Variants in RIT2 observed in about 807,000 individuals in gnomAD.
RIT2 encodes the protein Ras like without CAAX 2.
RIT2 carries 24 observed loss-of-function variants against 23.7 expected under a neutral mutation model. The ratio of observed to expected loss-of-function variants is 1.01; its 90% CI spans 0.73 to 1.43. The LOEUF (loss-of-function observed/expected upper bound fraction) is 1.43, where lower values mean the gene tolerates loss of function less well. Among genes scored for constraint, RIT2 ranks in the 40% most tolerant of loss-of-function variants. The probability of loss-of-function intolerance (pLI) is 0.00; values close to 1 mark genes in which losing one functional copy is unlikely to be tolerated. For missense variants in RIT2, 236 were observed against 266.9 expected, an observed-to-expected ratio of 0.88 and a Z score of 0.81; for synonymous variants, 107 against 91.1, an observed-to-expected ratio of 1.17 and a Z score of -0.99.
intron 3 of RIT2, among the ~76,000 whole-genome samples, chr18:42,947,066 A>G (rs530511238): frequency 1.3e-5 from 2 of 152,118 alleles, no homozygotes; most frequent in African/African-American, 2.4e-5. Flanking sequence ...ATATGTGGAT[A>G]CACTATAGAA....
intron 4 of RIT2, among the ~76,000 whole-genome samples, chr18:42,822,300 G>A (rs1241113528): frequency 6.6e-6 from 1 of 151,886 alleles, no homozygotes; most frequent in Non-Finnish European, 1.5e-5. Context: ...TTTATAAATG[G>A]CCCTAATTAT....
At chr18:42,746,546 T>C (rs941695230) in intron 4 of RIT2, among the ~76,000 whole-genome samples, 2 of 152,110 alleles carry the variant, frequency 1.3e-5, no homozygotes, top group African/African-American at 4.8e-5. Context: ...GAAGACATTA[T>C]ACTAATTAAT....
chr18:42,993,380 C>T (rs1231766631), intron 2 of RIT2, among the ~76,000 whole-genome samples: 1 of 152,182 alleles, frequency 6.6e-6, no homozygotes, highest in East Asian at 1.9e-4. Flanking sequence ...CGGAAGCCCC[C>T]TAAACCATCA....
intron 4 of RIT2, among the ~76,000 whole-genome samples, chr18:42,791,463 C>T (rs534353491): frequency 6.6e-6 from 1 of 152,238 alleles, no homozygotes; most frequent in East Asian, 1.9e-4. Flanking sequence ...CATAATAAAA[C>T]TTTTGCAAGT....
At position 43,074,909 on chromosome 18, in the gene RIT2, G is replaced by A. The variant is rs145016357; in HGVS notation, c.103+40508C>T. Among the ~76,000 whole-genome samples, 85 of 152,290 alleles carry A rather than the reference G, an allele frequency of 5.6e-4. No homozygotes were observed. The East Asian group carries it at 0.013, about 23-fold the overall frequency. On this transcript the variant is annotated intron_variant, in intron 1 of 4. Transcript: ENST00000326695. ...TGGGTCCTGTTTTGAGAGCACAGTG[G>A]GAGGGAGAGCATCGGGAAAAATAGC...
intron 4 of RIT2, among the ~76,000 whole-genome samples, chr18:42,764,031 C>T (rs1047290429): frequency 6.6e-6 from 1 of 152,084 alleles, no homozygotes; most frequent in African/African-American, 2.4e-5. Context: ...GACTGTATAT[C>T]TGTTTTTCTG....
chr18:42,880,659 T>C (rs1454812558), intron 4 of RIT2, among the ~76,000 whole-genome samples: 1 of 152,172 alleles, frequency 6.6e-6, no homozygotes, highest in African/African-American at 2.4e-5. Flanking sequence ...CCCTTCTCTA[T>C]AACTTCATCC....
intron 1 of RIT2, among the ~76,000 whole-genome samples, chr18:43,108,592 T>C (rs1216198657): frequency 6.6e-6 from 1 of 152,200 alleles, no homozygotes; most frequent in Non-Finnish European, 1.5e-5. Flanking sequence ...ACATATCATA[T>C]AGTACTCATG....
At chr18:42,869,041 G>A (rs770234081) in intron 4 of RIT2, among the ~76,000 whole-genome samples, 18 of 152,202 alleles carry the variant, frequency 1.2e-4, no homozygotes, top group African/African-American at 1.9e-4. Context: ...ATATTTAAAC[G>A]CAAGCTTTTT....
intron 4 of RIT2, among the ~76,000 whole-genome samples, chr18:42,879,726 A>G (rs1005212760): frequency 1.3e-5 from 2 of 152,082 alleles, no homozygotes; most frequent in African/African-American, 4.8e-5. Flanking sequence ...CTCAAATGAT[A>G]GGTCACCCAA....
intron 4 of RIT2, among the ~76,000 whole-genome samples, chr18:42,748,778 T>A (rs1311314881): frequency 6.6e-6 from 1 of 151,870 alleles, no homozygotes; most frequent in East Asian, 1.9e-4. Flanking sequence ...GGGAGGTAGG[T>A]GGATAAAAGG....
At chr18:42,970,977 C>T (rs1409268922) in intron 3 of RIT2, among the ~76,000 whole-genome samples, 1 of 151,938 alleles carries the variant, frequency 6.6e-6, no homozygotes, top group African/African-American at 2.4e-5. Context: ...CTTTTACAAG[C>T]ACAATCATGA....
chr18:43,055,454 T>A (rs1345430056), intron 1 of RIT2, among the ~76,000 whole-genome samples: 1 of 152,098 alleles, frequency 6.6e-6, no homozygotes, highest in Non-Finnish European at 1.5e-5. Flanking sequence ...AGACAATCTC[T>A]CAACTTCAAG....
intron 4 of RIT2, among the ~76,000 whole-genome samples, chr18:42,838,205 GT>G (rs990702078): frequency 4.0e-5 from 6 of 151,152 alleles, no homozygotes; most frequent in African/African-American, 7.3e-5. Context: ...TTGTGCATAT[GT>G]TTTTTTTTCT....
rs141295213 is a variant in RIT2, at chr18:42,948,018, C to T, written c.235-24255G>A. Among the ~76,000 whole-genome samples the T allele has an allele frequency of 1.7e-3, 261 of 152,154 alleles. 5 individuals are homozygous for T. The East Asian group carries it at 0.024, about 14-fold the overall frequency. ...ATTAGATGGATTGTACCTAAGTTAA[C>T]AAAGTTAGCAGAACTACTTTTGGAA... On this transcript the variant is annotated intron_variant, in intron 3 of 4. Coordinates refer to ENST00000326695, the MANE Select transcript of RIT2 (RefSeq NM_002930.4).
At chr18:42,881,052 C>T (rs934198838) in intron 4 of RIT2, among the ~76,000 whole-genome samples, 1 of 152,004 alleles carries the variant, frequency 6.6e-6, no homozygotes, top group South Asian at 2.1e-4. Flanking sequence ...GTGATCCACC[C>T]GCCTCGGCCT....
At chr18:43,056,661 T>C (rs1382563995) in intron 1 of RIT2, among the ~76,000 whole-genome samples, 1 of 152,136 alleles carries the variant, frequency 6.6e-6, no homozygotes, top group Non-Finnish European at 1.5e-5. Flanking sequence ...GTAAAGAATT[T>C]GGGCTTTTGA....
intron 4 of RIT2, 148 bp downstream of exon 4, chr18:42,923,424 A>G (rs1909101194): frequency 1.9e-5 from 14 of 739,408 alleles, no homozygotes; most frequent in Non-Finnish European, 3.2e-5. Context: ...AACACAATTT[A>G]CCATGGGACC....
intron 4 of RIT2, among the ~76,000 whole-genome samples, chr18:42,831,491 A>G (rs1168109259): frequency 1.3e-5 from 2 of 152,120 alleles, no homozygotes; most frequent in Admixed American, 1.3e-4. Flanking sequence ...CTTTGGGCAC[A>G]TTTGCCTTGG....
Sources: gnomAD v4.1 joint callset for allele counts (sites outside exome capture counted in the v4.1 genomes callset) on GRCh38, gnomAD v4.1.1 for gene constraint, MANE v1.5 for transcripts, NCBI Gene and HGNC (gene_info 2026-07-23, HGNC 2026-07-21) for gene names.